WWOX: variants seen among roughly 807,000 people sequenced by gnomAD.
The protein encoded by WWOX is WW domain-containing oxidoreductase.
A neutral mutation model predicts 46.2 loss-of-function variants in WWOX; 69 were observed. The observed-to-expected ratio is 1.49, with a 90% CI of 1.23 to 1.82. WWOX has a LOEUF of 1.82. Ranked by LOEUF, WWOX falls within the 40% of genes most tolerant of loss-of-function variation. The pLI, the probability that WWOX is intolerant of heterozygous loss-of-function variation, is 0.00. For synonymous variants in WWOX, 359 were observed against 202.6 expected, an observed-to-expected ratio of 1.77 and a Z score of -6.56; for missense variants, 919 against 542.6, an observed-to-expected ratio of 1.69 and a Z score of -6.89.
At chr16:79,064,715 G>T (rs1251015191) in intron 8 of WWOX, among the ~76,000 whole-genome samples, 1 of 152,240 alleles carries the variant, frequency 6.6e-6, no homozygotes, top group Non-Finnish European at 1.5e-5. Flanking sequence ...CCTGAGGGAG[G>T]AGTGTACAAT....
chr16:78,840,553 G>C (rs772114780), intron 8 of WWOX, among the ~76,000 whole-genome samples: 18 of 152,126 alleles, frequency 1.2e-4, no homozygotes, highest in Non-Finnish European at 2.5e-4. Flanking sequence ...TCAGCATTAA[G>C]CAGTATTGTT....
At chr16:78,674,562 G>T (rs936186795) in intron 8 of WWOX, among the ~76,000 whole-genome samples, 1 of 152,272 alleles carries the variant, frequency 6.6e-6, no homozygotes, top group African/African-American at 2.4e-5. Context: ...TGAGATTACA[G>T]GCTTGAGCCA....
chr16:78,968,086 ATGGTCCGCATGGCACAGCGC>A (rs2046396639), intron 8 of WWOX, among the ~76,000 whole-genome samples: 2 of 149,330 alleles, frequency 1.3e-5, no homozygotes, highest in Admixed American at 1.4e-4. Flanking sequence ...GGCACAGTGC[ATGGTCCGCATGGCACAGCGC>A]GTGGTCCGCG....
intron 8 of WWOX, among the ~76,000 whole-genome samples, chr16:78,807,905 T>C (rs1344248604): frequency 1.3e-5 from 2 of 152,258 alleles, no homozygotes; most frequent in African/African-American, 4.8e-5. Context: ...TACATGTACC[T>C]AACACATTGG....
rs2032925542 is a variant in WWOX at position 78,118,496 on chromosome 16, A to T, written c.409+3342A>T. 2.6e-5 allele frequency among the ~76,000 whole-genome samples: 4 copies of T among 152,234 alleles called. No homozygotes were observed. In the South Asian group the frequency reaches 8.3e-4, roughly 32 times the overall value. On this transcript the variant is annotated intron_variant, in intron 4 of 8. Coordinates refer to ENST00000566780, the MANE Select transcript of WWOX (RefSeq NM_016373.4). ...TGGGCTAACTCTGACCCACTGCCTG[A>T]TTTTGTAAGTAGAATTTTTTTTGGA...
intron 6 of WWOX, among the ~76,000 whole-genome samples, chr16:78,420,682 G>C (rs2082906085): frequency 1.4e-5 from 2 of 147,254 alleles, no homozygotes; most frequent in Non-Finnish European, 3.0e-5. Context: ...TTAAAAAAGT[G>C]CTATAAAATT....
At chr16:78,404,626 A>C (rs145750400) in intron 6 of WWOX, among the ~76,000 whole-genome samples, 40 of 152,296 alleles carry the variant, frequency 2.6e-4, no homozygotes, top group African/African-American at 8.9e-4. Context: ...ACTATGGTTC[A>C]TTTGTCAGAC....
At chr16:78,499,839 C>G (rs1050416647) in intron 8 of WWOX, among the ~76,000 whole-genome samples, 3 of 152,124 alleles carry the variant, frequency 2.0e-5, no homozygotes, top group African/African-American at 7.2e-5. Context: ...ATGCTGAGAC[C>G]TTGAATTTCA....
chr16:78,842,773 G>A (rs954645378), intron 8 of WWOX, among the ~76,000 whole-genome samples: 7 of 132,638 alleles, frequency 5.3e-5, no homozygotes, highest in African/African-American at 1.7e-4. Flanking sequence ...ATTCATTTGA[G>A]CCCAGGAGGC....
intron 8 of WWOX, among the ~76,000 whole-genome samples, chr16:78,680,690 G>A (rs1034628513): frequency 6.6e-6 from 1 of 152,218 alleles, no homozygotes; most frequent in South Asian, 2.1e-4. Flanking sequence ...GACACATCTA[G>A]TGGCTCCCAC....
At chr16:78,124,991 C>A (rs1162876451) in intron 4 of WWOX, among the ~76,000 whole-genome samples, 1 of 152,082 alleles carries the variant, frequency 6.6e-6, no homozygotes, top group African/African-American at 2.4e-5. Flanking sequence ...AAGTTTATTT[C>A]ATATAAAGAG....
At chr16:78,431,111 G>A (rs868096750) in intron 7 of WWOX, among the ~76,000 whole-genome samples, 2 of 152,178 alleles carry the variant, frequency 1.3e-5, no homozygotes, top group African/African-American at 4.8e-5. Flanking sequence ...CATTTTGTAA[G>A]GGAAGTCACT....
intron 8 of WWOX, among the ~76,000 whole-genome samples, chr16:78,900,887 G>C (rs183700088): frequency 6.6e-6 from 1 of 150,692 alleles, no homozygotes; most frequent in East Asian, 1.9e-4. Flanking sequence ...TATTGTGGGA[G>C]ATGGCTACAA....
chr16:78,516,919 G>A (rs2043246961), intron 8 of WWOX, among the ~76,000 whole-genome samples: 1 of 152,134 alleles, frequency 6.6e-6, no homozygotes, highest in African/African-American at 2.4e-5. Flanking sequence ...ATTATTATTG[G>A]TGTTACCTCA....
At chr16:78,879,268 A>C (rs2044294369) in intron 8 of WWOX, among the ~76,000 whole-genome samples, 1 of 152,190 alleles carries the variant, frequency 6.6e-6, no homozygotes, top group Non-Finnish European at 1.5e-5. Flanking sequence ...ATGTAAGAGC[A>C]AGTGAAGATT....
At chr16:78,800,903 C>G (rs1304933227) in intron 8 of WWOX, among the ~76,000 whole-genome samples, 1 of 151,978 alleles carries the variant, frequency 6.6e-6, no homozygotes, top group African/African-American at 2.4e-5. Context: ...AAGGCATTCC[C>G]CAATATAACC....
intron 8 of WWOX, among the ~76,000 whole-genome samples, chr16:78,498,445 A>C (rs543702826): frequency 2.0e-5 from 3 of 152,186 alleles, no homozygotes; most frequent in Non-Finnish European, 4.4e-5. Context: ...TCTAAACCAC[A>C]CATGGCCTGC....
At chr16:78,545,632 C>G (rs894481027) in intron 8 of WWOX, among the ~76,000 whole-genome samples, 1 of 152,162 alleles carries the variant, frequency 6.6e-6, no homozygotes, top group South Asian at 2.1e-4. Context: ...GCCATTGAGT[C>G]TCTATTCTGA....
intron 8 of WWOX, among the ~76,000 whole-genome samples, chr16:78,735,394 A>AACACACACACACAC (rs35975130): frequency 0.016 from 1,969 of 121,360 alleles, 58 homozygotes; most frequent in African/African-American, 0.054. Flanking sequence ...ACCACACACA[A>AACACACACACACAC]ACACACACAC....
Sources: gnomAD v4.1 joint callset for allele counts (sites outside exome capture counted in the v4.1 genomes callset) on GRCh38, gnomAD v4.1.1 for gene constraint, MANE v1.5 for transcripts, NCBI Gene and HGNC (gene_info 2026-07-23, HGNC 2026-07-21) for gene names.